SLC44A5: variants seen among roughly 807,000 people sequenced by gnomAD.
SLC44A5 encodes the protein choline transporter-like protein 5.
A neutral mutation model predicts 101.8 loss-of-function variants in SLC44A5; 57 were observed. The ratio of observed to expected loss-of-function variants is 0.56; its 90% CI spans 0.45 to 0.70. The LOEUF (loss-of-function observed/expected upper bound fraction) is 0.70, where lower values mean the gene tolerates loss of function less well. Among genes scored for constraint, SLC44A5 ranks in the 30% least tolerant of loss-of-function variants. The probability of loss-of-function intolerance (pLI) is 0.00; values close to 1 mark genes in which losing one functional copy is unlikely to be tolerated. For synonymous variants in SLC44A5, 281 were observed against 290.9 expected, an observed-to-expected ratio of 0.97 and a Z score of 0.35; for missense variants, 737 against 853.1, an observed-to-expected ratio of 0.86 and a Z score of 1.70.
Position 75,205,832 on chromosome 1 carries a change from A to G in SLC44A5, c.2048-1999T>C, listed in dbSNP as rs1646740972. On this transcript the variant is annotated intron_variant, in intron 23 of 23. Transcript: ENST00000370859. ...TGATTTTCTATATAGTGGGAATAAG[A>G]AATTTGGGTTAAAGACAAAAGGCAT... The G allele has an allele frequency of 2.0e-5, 3 of 152,190 alleles. No individual in the cohort carries two copies. In the South Asian group the frequency reaches 6.2e-4, roughly 31 times the overall value. The allele number at this position is 152,190 out of a possible 1,614,324, so 9.4% of individuals were successfully genotyped here.
intron 4 of SLC44A5, among the ~76,000 whole-genome samples, chr1:75,337,612 G>T (rs1483891378): frequency 6.6e-6 from 1 of 152,126 alleles, no homozygotes; most frequent in Non-Finnish European, 1.5e-5. Context: ...TTTGTGAAAA[G>T]GGCCTGGGGA....
At chr1:75,417,072 G>C (rs909727184) in intron 2 of SLC44A5, among the ~76,000 whole-genome samples, 2 of 152,056 alleles carry the variant, frequency 1.3e-5, no homozygotes, top group African/African-American at 4.8e-5. Context: ...TACGAGATTT[G>C]GGAAGGGCCA....
intron 4 of SLC44A5, among the ~76,000 whole-genome samples, chr1:75,319,444 C>A (rs1461775591): frequency 6.6e-6 from 1 of 152,002 alleles, no homozygotes; most frequent in Non-Finnish European, 1.5e-5. Flanking sequence ...CTGTTTATTC[C>A]CAGAAGTGAT....
At chr1:75,430,315 T>C (rs958484056) in intron 2 of SLC44A5, among the ~76,000 whole-genome samples, 3 of 152,108 alleles carry the variant, frequency 2.0e-5, no homozygotes, top group African/African-American at 7.2e-5. Flanking sequence ...CAGAGACCAG[T>C]CACTCACTAG....
intron 3 of SLC44A5, among the ~76,000 whole-genome samples, chr1:75,348,662 A>G (rs927265590): frequency 3.3e-5 from 5 of 152,214 alleles, no homozygotes; most frequent in African/African-American, 1.2e-4. Flanking sequence ...ATAGTTTTCC[A>G]AAGAAAATAG....
intron 3 of SLC44A5, among the ~76,000 whole-genome samples, chr1:75,359,206 T>C (rs560983869): frequency 6.6e-6 from 1 of 151,446 alleles, no homozygotes; most frequent in Non-Finnish European, 1.5e-5. Flanking sequence ...AGTATGCTAT[T>C]ATGTATATAT....
intron 4 of SLC44A5, among the ~76,000 whole-genome samples, chr1:75,326,826 C>A (rs1656635710): frequency 6.6e-6 from 1 of 151,940 alleles, no homozygotes; most frequent in South Asian, 2.1e-4. Flanking sequence ...AACTTTAGCT[C>A]CAAAATCTTA....
chr1:75,203,934 T>TTTGTTGTTGTTTTTTTTTTG lies in SLC44A5; in HGVS notation c.2048-102_2048-101insCAAAAAAAAAACAACAACAA, dbSNP rs34350348. On this transcript the variant is annotated intron_variant, in intron 23 of 23. Coordinates refer to ENST00000370859, the MANE Select transcript of SLC44A5 (RefSeq NM_001130058.2). ...TCGCTTTACAGCAGTTCAAAATCCT[T>TTTGTTGTTGTTTTTTTTTTG]TTGTTGTTTTTTTTTTGTTGTTGTT... 14 of 1,071,424 alleles carry TTTGTTGTTGTTTTTTTTTTG rather than the reference T, an allele frequency of 1.3e-5. 1 individual carries two copies. The highest frequency in any genetic ancestry group is 7.3e-6 in the Non-Finnish European group (6 of 821,794). The allele number at this position is 1,071,424 out of a possible 1,614,324, so 66.4% of individuals were successfully genotyped here. A position where few individuals can be genotyped will look rare whatever the true frequency, so the allele number is the denominator to read the frequency against.
chr1:75,571,331 AAC>A (rs1299387593), intron 1 of SLC44A5, among the ~76,000 whole-genome samples: 1 of 152,184 alleles, frequency 6.6e-6, no homozygotes, highest in Non-Finnish European at 1.5e-5. Flanking sequence ...AGACTAAAGA[AAC>A]ACAGAGGATA....
At chr1:75,645,530 G>C in the SLC44A5 span, among the ~76,000 whole-genome samples, 11,627 of 151,480 alleles carry the variant, frequency 0.077, 1,499 homozygotes, top group African/African-American at 0.27. Flanking sequence ...GATATTAGCC[G>C]TTTGTCAGAT....
the SLC44A5 span, among the ~76,000 whole-genome samples, chr1:75,680,286 C>G: frequency 1.3e-5 from 2 of 151,632 alleles, no homozygotes; most frequent in African/African-American, 2.4e-5. Flanking sequence ...CAGAACTCTC[C>G]ACCCCAAATC....
At chr1:75,560,779 G>A (rs1672475336) in intron 1 of SLC44A5, among the ~76,000 whole-genome samples, 1 of 152,076 alleles carries the variant, frequency 6.6e-6, no homozygotes, top group Non-Finnish European at 1.5e-5. Context: ...TGAAAAAGAT[G>A]TTTATTAATC....
chr1:75,299,736 C>T (rs1442724985), intron 5 of SLC44A5, among the ~76,000 whole-genome samples: 1 of 151,844 alleles, frequency 6.6e-6, no homozygotes, highest in Non-Finnish European at 1.5e-5. Flanking sequence ...ATGGGCCAGG[C>T]ACAGTAGCTC....
chr1:75,477,700 G>A (rs1325653131), intron 2 of SLC44A5, among the ~76,000 whole-genome samples: 1 of 152,118 alleles, frequency 6.6e-6, no homozygotes, highest in Non-Finnish European at 1.5e-5. Context: ...GAAGTTTAGA[G>A]AAAAGAGAAT....
intron 1 of SLC44A5, among the ~76,000 whole-genome samples, chr1:75,584,517 G>A (rs887361236): frequency 6.6e-6 from 1 of 152,100 alleles, no homozygotes; most frequent in African/African-American, 2.4e-5. Context: ...CTTTCTTTAG[G>A]ATTTAGGAAC....
chr1:75,414,282 TATACATACATAC>T (rs10567313), intron 2 of SLC44A5, among the ~76,000 whole-genome samples: 47 of 148,630 alleles, frequency 3.2e-4, no homozygotes, highest in Non-Finnish European at 4.9e-4. Flanking sequence ...TATACACATA[TATACATACATAC>T]ATACATACAT....
chr1:75,712,445 C>T, the SLC44A5 span, among the ~76,000 whole-genome samples: 1 of 152,126 alleles, frequency 6.6e-6, no homozygotes, highest in Non-Finnish European at 1.5e-5. Flanking sequence ...GGGATCTAAG[C>T]CAAGTAGCTA....
chr1:75,617,335 A>G, the SLC44A5 span, among the ~76,000 whole-genome samples: 2 of 152,118 alleles, frequency 1.3e-5, no homozygotes, highest in Non-Finnish European at 2.9e-5. Flanking sequence ...TCCACCCAGA[A>G]GTTGCCCCAG....
chr1:75,219,843 T>A lies in SLC44A5; in HGVS notation c.1135A>T (p.Ile379Phe), dbSNP rs368493474. ...STLVYPALTF[I>F]LLSICICYWV... ...TAGCAAATGCAGATTGAGAGCAAAA[T>A]GAAAGTTAAAGCTGGATAGACTAAT... is the stretch of plus-strand genomic sequence containing the variant. Residue 379 changes from isoleucine to phenylalanine, a missense_variant, in exon 15 of 24, where the codon ATT (isoleucine) becomes TTT (phenylalanine). Ile to Phe is a conservative substitution (Grantham distance 21, BLOSUM62 0). Around this residue, in one of 3 missense-constraint regions of SLC44A5, gnomAD observed 665 missense variants for 764.4 expected, o/e 0.87. Transcript: ENST00000370859. 61 of 1,612,728 alleles carry A rather than the reference T, an allele frequency of 3.8e-5. No homozygotes were observed. Among genetic ancestry groups the A allele is most frequent in the Non-Finnish European group, 1.4e-5 (16 of 1,179,268 alleles).
Sources: allele counts gnomAD v4.1 joint callset (sites outside exome capture counted in the v4.1 genomes callset), GRCh38; gene constraint gnomAD v4.1.1; regional missense constraint gnomAD v4.1.1; transcripts MANE v1.5; gene names NCBI Gene and HGNC (gene_info 2026-07-23, HGNC 2026-07-21).